The following RSF1 variants were observed in gnomAD, a reference collection of about 807,000 sequenced individuals.
The protein encoded by RSF1 is remodeling and spacing factor 1.
RSF1 carries 13 observed loss-of-function variants against 145.2 expected under a neutral mutation model. The ratio of observed to expected loss-of-function variants is 0.09; its 90% confidence interval spans 0.06 to 0.14. RSF1 has a LOEUF of 0.14. Ranked by LOEUF, RSF1 falls within the 10% of genes least tolerant of loss-of-function variation. The pLI is 1.00. For synonymous variants in RSF1, 577 were observed against 592.6 expected (o/e 0.97, Z 0.38); for missense variants, 1,517 against 1,718.2 (o/e 0.88, Z 2.07).
chr11:77,714,825 A>G (rs970118086), intron 5 of RSF1, among the ~76,000 whole-genome samples: 1 of 151,894 alleles, frequency 6.6e-6, no homozygotes, highest in African/African-American at 2.4e-5. Context: ...CTGGAGACAG[A>G]GCATAAACCT....
At chr11:77,690,101 G>A (rs1197247573) in intron 9 of RSF1, among the ~76,000 whole-genome samples, 1 of 148,420 alleles carries the variant, frequency 6.7e-6, no homozygotes, top group African/African-American at 2.5e-5. Context: ...GATGGAGGTT[G>A]CCATGAGCCG....
intron 11 of RSF1, 40 bp from the exon 12 acceptor site, chr11:77,678,193 CTTTTTTTTT>C: frequency 6.5e-6 from 4 of 616,702 alleles, no homozygotes; most frequent in Non-Finnish European, 9.4e-6. Context: ...CCTGTCCTGG[CTTTTTTTTT>C]TTTTTTTTTA....
rs1314598182 is a variant in RSF1, at chr11:77,667,163, T to A, written c.4080A>T (p.Pro1360=). The change falls in exon 16 of 16, where the codon CCA becomes CCT. Residue 1360 remains proline (P), a synonymous_variant. Transcript: ENST00000308488. ...DFENVGKVGS[P]LDYSLVDLPS... Reference sequence around the variant, plus strand: ...GTAAGTCCACTAAGCTATAGTCCAATGGGCTCCCCACTTTGCCTACATTTT... The same window carrying A: ...GTAAGTCCACTAAGCTATAGTCCAAAGGGCTCCCCACTTTGCCTACATTTT... 1 of 1,614,234 alleles carries A rather than the reference T, an allele frequency of 6.2e-7. No individual in the cohort carries two copies. The highest frequency in any genetic ancestry group is 2.2e-5 in the East Asian group (1 of 44,878).
Position 77,803,384 on chromosome 11 carries a change from C to T in RSF1, c.187+17144G>A, listed in dbSNP as rs113978330. ...CTAGTCTTGAATTCCTGAGCTCAAG[C>T]GATTCACCCACCTCGGCCTCCCAAA... On this transcript the variant is annotated intron_variant, in intron 1 of 15. Coordinates refer to ENST00000308488, the MANE Select transcript of RSF1 (RefSeq NM_016578.4). Among the ~76,000 whole-genome samples, 1,170 of 151,598 alleles carry T rather than the reference C, an allele frequency of 7.7e-3. 11 individuals carry two copies. Among genetic ancestry groups the T allele is most frequent in the African/African-American group, 0.025 (1,032 of 41,372 alleles).
chr11:77,696,228 C>A (rs1207869014), intron 7 of RSF1, among the ~76,000 whole-genome samples: 1 of 152,188 alleles, frequency 6.6e-6, no homozygotes, highest in Non-Finnish European at 1.5e-5. Flanking sequence ...TGCTTCTACT[C>A]TGCAGTAAAG....
chr11:77,723,216 T>C (rs66664368), intron 5 of RSF1, among the ~76,000 whole-genome samples: 27,245 of 152,176 alleles, frequency 0.18, 3,077 homozygotes, highest in African/African-American at 0.3. Flanking sequence ...CCCAGCACTT[T>C]GGGAAGCCAA....
At chr11:77,678,180 T>C (rs1388514948) in intron 11 of RSF1, 27 bp from the exon 12 acceptor site, 4 of 1,301,962 alleles carry the variant, frequency 3.1e-6, no homozygotes, top group East Asian at 5.0e-5. Flanking sequence ...GATCACATTA[T>C]AGCCTGTCCT....
intron 1 of RSF1, among the ~76,000 whole-genome samples, chr11:77,770,572 A>C (rs538020201): frequency 6.6e-6 from 1 of 152,388 alleles, no homozygotes; most frequent in East Asian, 1.9e-4. Flanking sequence ...ACAGGCAGAT[A>C]AACCAAGGGG....
chr11:77,708,982 T>C lies in RSF1; in HGVS notation c.734-6487A>G, dbSNP rs1960616484. Among the ~76,000 whole-genome samples the C allele has an allele frequency of 3.9e-5, 6 of 152,210 alleles. No individual in the cohort carries two copies. The South Asian group carries it at 1.2e-3, about 31-fold the overall frequency. On this transcript the variant is annotated intron_variant, in intron 5 of 15. Transcript: ENST00000308488. ...GAGTCATTGACAATCAAATATTAAA[T>C]GAATAAATAAAATTTGATTAATAAA...
intron 9 of RSF1, among the ~76,000 whole-genome samples, chr11:77,690,445 CTTTA>C (rs1960124433): frequency 6.6e-6 from 1 of 152,108 alleles, no homozygotes; most frequent in South Asian, 2.1e-4. Flanking sequence ...CTGACAAATA[CTTTA>C]TTTATTCATT....
intron 15 of RSF1, among the ~76,000 whole-genome samples, chr11:77,670,729 C>A (rs1959500052): frequency 6.6e-6 from 1 of 152,070 alleles, no homozygotes; most frequent in Non-Finnish European, 1.5e-5. Context: ...CATCCCACAT[C>A]CAAACATTTT....
chr11:77,688,658 T>C (rs1441067589), intron 9 of RSF1, among the ~76,000 whole-genome samples: 1 of 152,150 alleles, frequency 6.6e-6, no homozygotes, highest in Non-Finnish European at 1.5e-5. Flanking sequence ...GGTGTGGTGA[T>C]GGGCACCTGT....
the RSF1 span, among the ~76,000 whole-genome samples, chr11:77,843,595 G>A: frequency 6.6e-6 from 1 of 152,106 alleles, no homozygotes; most frequent in East Asian, 1.9e-4. Context: ...ATTCTTACCT[G>A]TCTTACCAAA....
chr11:77,725,507 TTACAAAACAA>T, intron 5 of RSF1, 28 bp downstream of exon 5: 1 of 1,477,492 alleles, frequency 6.8e-7, no homozygotes. Flanking sequence ...ATGGAAGAGA[TTACAAAACAA>T]AGCAAAACAA....
chr11:77,793,062 G>A (rs896509495), intron 1 of RSF1, among the ~76,000 whole-genome samples: 3 of 152,028 alleles, frequency 2.0e-5, no homozygotes, highest in Admixed American at 2.0e-4. Context: ...AAAGAAGAAA[G>A]AAATACATAC....
Position 77,675,267 on chromosome 11 carries a change from G to T in RSF1, c.3342-11C>A, listed in dbSNP as rs539173824. The T allele has an allele frequency of 7.5e-6, 12 of 1,596,884 alleles. No individual in the cohort carries two copies. The highest frequency in any genetic ancestry group is 1.7e-4 in the Middle Eastern group (1 of 5,958). ...AACTCATCTTGAGATCTGTCCAAGAGAAATCAGATAAAATACAATGGTATT... is the reference window on the plus strand; with the variant it reads ...AACTCATCTTGAGATCTGTCCAAGATAAATCAGATAAAATACAATGGTATT... On this transcript the variant is annotated splice_polypyrimidine_tract_variant and intron_variant, in intron 13 of 15. Transcript: ENST00000308488.
intron 9 of RSF1, 68 bp from the exon 10 acceptor site, chr11:77,685,227 A>T (rs1959971822): frequency 1.2e-6 from 1 of 824,746 alleles, no homozygotes; most frequent in Non-Finnish European, 1.9e-6. Context: ...AAACATCACG[A>T]ATACACATAA....
At chr11:77,783,287 G>A (rs182588971) in intron 1 of RSF1, among the ~76,000 whole-genome samples, 340 of 152,116 alleles carry the variant, frequency 2.2e-3, no homozygotes, top group African/African-American at 7.3e-3. Flanking sequence ...TGCTTCAAAT[G>A]GCTAATTACC....
At chr11:77,798,526 A>G (rs1407367449) in intron 1 of RSF1, among the ~76,000 whole-genome samples, 1 of 129,882 alleles carries the variant, frequency 7.7e-6, no homozygotes, top group African/African-American at 2.8e-5. Context: ...GGTTGCAGTG[A>G]GCCGAGATCA....
Sources: allele counts gnomAD v4.1 joint callset (sites outside exome capture counted in the v4.1 genomes callset), GRCh38; gene constraint gnomAD v4.1.1; transcripts MANE v1.5; gene names NCBI Gene and HGNC (gene_info 2026-07-23, HGNC 2026-07-21).